ARHGAP26: variants seen among roughly 807,000 people sequenced by gnomAD.
ARHGAP26 encodes the protein rho GTPase-activating protein 26.
A neutral mutation model predicts 104.8 loss-of-function variants in ARHGAP26; 38 were observed. The ratio of observed to expected loss-of-function variants is 0.36; its 90% confidence interval spans 0.28 to 0.48. The LOEUF (loss-of-function observed/expected upper bound fraction) is 0.48, where lower values mean the gene tolerates loss of function less well. Ranked by LOEUF, ARHGAP26 falls within the 20% of genes least tolerant of loss-of-function variation. The pLI is 0.99. For synonymous variants in ARHGAP26, 341 were observed against 340.0 expected, an observed-to-expected ratio of 1.00 and a Z score of -0.03; for missense variants, 704 against 947.9, an observed-to-expected ratio of 0.74 and a Z score of 3.38.
At chr5:142,855,846 C>T (rs1284099078) in intron 1 of ARHGAP26, among the ~76,000 whole-genome samples, 14 of 152,012 alleles carry the variant, frequency 9.2e-5, no homozygotes, top group Non-Finnish European at 2.1e-4. Context: ...CACAGCCTGT[C>T]TACTTTTTAC....
Position 143,057,616 on chromosome 5 carries a change from A to G in ARHGAP26, c.1433-26A>G, listed in dbSNP as rs780491170. 2.5e-6 allele frequency: 4 copies of G among 1,596,928 alleles called. No individual in the cohort carries two copies. The South Asian group carries it at 4.4e-5, about 18-fold the overall frequency. On this transcript the variant is annotated intron_variant, in intron 16 of 22. Coordinates refer to ENST00000645722, the MANE Select transcript of ARHGAP26 (RefSeq NM_001135608.3). ...GTTGTTTAGCTGTGACACTGATAAG[A>G]TATTACCTCCCTCCTTCCTTTGCAG...
At chr5:143,144,363 T>C (rs1798909791) in intron 19 of ARHGAP26, among the ~76,000 whole-genome samples, 1 of 152,188 alleles carries the variant, frequency 6.6e-6, no homozygotes, top group Non-Finnish European at 1.5e-5. Context: ...TGAAAAACTT[T>C]CCTGTTTCGA....
intron 3 of ARHGAP26, among the ~76,000 whole-genome samples, chr5:142,877,896 G>T (rs1013418853): frequency 2.0e-5 from 3 of 152,198 alleles, no homozygotes; most frequent in Non-Finnish European, 4.4e-5. Context: ...TCAGAGACTT[G>T]CAGATGGTTT....
chr5:143,156,191 G>A (rs1800443545), intron 20 of ARHGAP26, among the ~76,000 whole-genome samples: 1 of 152,156 alleles, frequency 6.6e-6, no homozygotes, highest in African/African-American at 2.4e-5. Context: ...TTCTAAATTG[G>A]GTAAATTAAA....
chr5:143,142,133 A>ATTTTT (rs1798606681), intron 19 of ARHGAP26, among the ~76,000 whole-genome samples: 2 of 83,426 alleles, frequency 2.4e-5, no homozygotes, highest in Non-Finnish European at 4.5e-5. Context: ...TCTACTTTTC[A>ATTTTT]CTTTTTTTTT....
chr5:142,986,539 T>C (rs1182672977), intron 11 of ARHGAP26, among the ~76,000 whole-genome samples: 1 of 152,252 alleles, frequency 6.6e-6, no homozygotes, highest in Non-Finnish European at 1.5e-5. Context: ...TTGGCTTTTG[T>C]TGCTATTGCT....
At chr5:143,100,329 C>A (rs1045823103) in intron 17 of ARHGAP26, among the ~76,000 whole-genome samples, 1 of 152,180 alleles carries the variant, frequency 6.6e-6, no homozygotes, top group Non-Finnish European at 1.5e-5. Flanking sequence ...TAAAGAACAA[C>A]CCTTGAATAA....
chr5:142,900,260 G>A lies in ARHGAP26; in HGVS notation c.598-1675G>A, dbSNP rs551764212. Among the ~76,000 whole-genome samples, 13 of 152,242 alleles carry A rather than the reference G, an allele frequency of 8.5e-5. No individual in the cohort carries two copies. In the East Asian group the frequency reaches 1.9e-3, roughly 23 times the overall value. The stretch of plus-strand genomic sequence containing the variant: ...TGTATAGAATAAGCCCAAAGCCTTC[G>A]GCCGTCTTTGAAGAAAAACATTCAT... On this transcript the variant is annotated intron_variant, in intron 6 of 22. Coordinates refer to ENST00000645722, the MANE Select transcript of ARHGAP26 (RefSeq NM_001135608.3).
At chr5:142,983,472 C>T (rs1006994005) in intron 11 of ARHGAP26, among the ~76,000 whole-genome samples, 5 of 152,182 alleles carry the variant, frequency 3.3e-5, no homozygotes, top group Non-Finnish European at 5.9e-5. Flanking sequence ...TCTCAAAGTG[C>T]TGGGATTACA....
At chr5:142,873,837 G>C (rs944245919) in intron 2 of ARHGAP26, among the ~76,000 whole-genome samples, 3 of 150,618 alleles carry the variant, frequency 2.0e-5, no homozygotes, top group African/African-American at 5.0e-5. Context: ...AACACAGGTA[G>C]ATGAGGGGAA....
chr5:142,980,025 G>C (rs994118960), intron 11 of ARHGAP26, among the ~76,000 whole-genome samples: 2 of 152,194 alleles, frequency 1.3e-5, no homozygotes, highest in African/African-American at 4.8e-5. Flanking sequence ...CATCCCAGAA[G>C]GCTCCCTAGT....
chr5:143,091,004 G>C (rs1791344981), intron 17 of ARHGAP26, among the ~76,000 whole-genome samples: 1 of 152,206 alleles, frequency 6.6e-6, no homozygotes. Flanking sequence ...AAATGCAATA[G>C]TTTGAGGCAA....
At chr5:143,042,430 C>T (rs1783603518) in intron 14 of ARHGAP26, among the ~76,000 whole-genome samples, 1 of 152,204 alleles carries the variant, frequency 6.6e-6, no homozygotes, top group Non-Finnish European at 1.5e-5. Flanking sequence ...GCAGCAGAAC[C>T]TCCTTTGCCA....
intron 1 of ARHGAP26, among the ~76,000 whole-genome samples, chr5:142,793,028 A>G (rs1230138777): frequency 6.6e-6 from 1 of 152,100 alleles, no homozygotes; most frequent in East Asian, 1.9e-4. Flanking sequence ...CCCCCTAGGC[A>G]TCAGGGGCTT....
At chr5:142,770,992 C>A in intron 1 of ARHGAP26, 77 bp downstream of exon 1, 1 of 1,483,788 alleles carries the variant, frequency 6.7e-7, no homozygotes, top group South Asian at 1.3e-5. Context: ...CCGGGTTGCC[C>A]GCGCGTCTGC....
rs1482866175 is a variant in ARHGAP26 at position 143,114,444 on chromosome 5, A to AAATC, written c.1539-6544_1539-6543insAATC. Among the ~76,000 whole-genome samples, 6 of 152,182 alleles carry AAATC rather than the reference A, an allele frequency of 3.9e-5. No homozygotes were observed. In the East Asian group the frequency reaches 1.2e-3, roughly 29 times the overall value. Reference sequence around the variant, plus strand: ...AGGATTCCCCCCGCCATCCTCTGTTATATACTAAGGATAGATTTAAGGCTG... The same window carrying AAATC: ...AGGATTCCCCCCGCCATCCTCTGTTAAATCTATACTAAGGATAGATTTAAGGCTG... On this transcript the variant is annotated intron_variant, in intron 17 of 22. Coordinates refer to ENST00000645722, the MANE Select transcript of ARHGAP26 (RefSeq NM_001135608.3).
chr5:142,910,308 G>GA (rs1444863955), intron 9 of ARHGAP26, among the ~76,000 whole-genome samples: 1 of 152,178 alleles, frequency 6.6e-6, no homozygotes, highest in Non-Finnish European at 1.5e-5. Flanking sequence ...TCCTGATTCT[G>GA]AACTCATTAT....
intron 1 of ARHGAP26, among the ~76,000 whole-genome samples, chr5:142,829,802 AT>A (rs1289450773): frequency 6.6e-6 from 1 of 152,164 alleles, no homozygotes; most frequent in Non-Finnish European, 1.5e-5. Context: ...TGTCCACCAT[AT>A]TGGCCTAATG....
At chr5:142,966,261 A>G (rs1771310561) in intron 11 of ARHGAP26, among the ~76,000 whole-genome samples, 1 of 152,206 alleles carries the variant, frequency 6.6e-6, no homozygotes, top group South Asian at 2.1e-4. Flanking sequence ...AGGTATCTGT[A>G]TGGATGACTT....
Sources: allele counts gnomAD v4.1 joint callset (sites outside exome capture counted in the v4.1 genomes callset), GRCh38; gene constraint gnomAD v4.1.1; transcripts MANE v1.5; gene names NCBI Gene and HGNC (gene_info 2026-07-23, HGNC 2026-07-21).